Variants in ADA2 observed in about 807,000 individuals in gnomAD.
ADA2 encodes adenosine deaminase 2.
In ADA2, 29 loss-of-function variants were observed where a neutral mutation model predicts 44.2. That is an observed-to-expected ratio of 0.66 (90% confidence interval 0.49 to 0.89). The LOEUF is 0.89. Among genes scored for constraint, ADA2 ranks in the 40% least tolerant of loss-of-function variants. The pLI, the probability that ADA2 is intolerant of heterozygous loss-of-function variation, is 0.00. For missense variants in ADA2, 637 were observed against 644.8 expected (o/e 0.99, Z 0.13); for synonymous variants, 215 against 234.9 (o/e 0.92, Z 0.77).
intron 1 of ADA2, chr22:17,214,062 AG>A: frequency 2.0e-6 from 1 of 493,608 alleles, no homozygotes; most frequent in South Asian, 1.8e-5. Context: ...AAAAAAAAAT[AG>A]CATCCAAAAC....
At chr22:17,188,015 ACT>A (rs2062057482) in intron 7 of ADA2, among the ~76,000 whole-genome samples, 1 of 151,196 alleles carries the variant, frequency 6.6e-6, no homozygotes, top group African/African-American at 2.4e-5. Flanking sequence ...GAGGCAGGAG[ACT>A]CTCTTGAACC....
chr22:17,188,508 G>C (rs374159743), intron 6 of ADA2, 61 bp from the exon 7 acceptor site: 1 of 1,120,754 alleles, frequency 8.9e-7, no homozygotes, highest in East Asian at 2.4e-5. Context: ...TGCTGATGGC[G>C]CGCCCTGGAG....
At chr22:17,206,977 A>C (rs1487062330) in intron 3 of ADA2, 94 bp downstream of exon 3, 4 of 950,016 alleles carry the variant, frequency 4.2e-6, no homozygotes, top group Non-Finnish European at 6.5e-6. Context: ...TATTAAAGCC[A>C]GATTTTTATC....
Position 17,209,719 on chromosome 22 carries a change from C to T in ADA2, c.-42G>A, listed in dbSNP as rs201913271. The T allele has an allele frequency of 2.0e-6, 3 of 1,531,656 alleles. No individual in the cohort carries two copies. The highest frequency in any genetic ancestry group is 2.3e-5 in the East Asian group (1 of 44,310). 94.9% of individuals were successfully genotyped at this position (1,531,656 alleles called of 1,614,324 possible). On this transcript the variant is annotated 5_prime_UTR_variant, in exon 2 of 10. The change creates a new upstream start codon in the 5' untranslated region. Transcript: ENST00000399837. ...GGAAAGGGCTCAGATGGAGACTCCA[C>T]GGGACTGCAAAGGAGAGTGGGGGAG... is the stretch of plus-strand genomic sequence containing the variant.
chr22:17,187,691 A>G (rs1236250845), intron 7 of ADA2, among the ~76,000 whole-genome samples: 4 of 151,738 alleles, frequency 2.6e-5, no homozygotes. Flanking sequence ...AAGAAGAAGA[A>G]GAAGGATTCA....
intron 1 of ADA2, chr22:17,213,560 C>T (rs560716490): frequency 1.0e-5 from 3 of 298,172 alleles, no homozygotes; most frequent in South Asian, 5.9e-5. Flanking sequence ...TGAAAGGCGT[C>T]GCAGAGCTCA....
chr22:17,194,026 A>AAC (rs1332485435), intron 4 of ADA2, among the ~76,000 whole-genome samples: 1 of 151,476 alleles, frequency 6.6e-6, no homozygotes, highest in African/African-American at 2.4e-5. Context: ...AATGAAAAAA[A>AAC]AAAAAAAAAG....
At position 17,203,610 on chromosome 22, in the gene ADA2, A is replaced by T. The variant is rs1393259518; in HGVS notation, c.706T>A (p.Tyr236Asn). The change falls in exon 4 of 10, where the codon TAC becomes AAC. Residue 236 changes from tyrosine (Y) to asparagine (N), a missense_variant. Coordinates refer to ENST00000399837, the MANE Select transcript of ADA2 (RefSeq NM_001282225.2). ...DYVFRSMQEF[Y>N]EDNVLYMEIR... ...TCCATGTAGAGCACGTTGTCCTCGT[A>T]GAACTCCTGCATGCTCCGGAAGACA... The T allele has an allele frequency of 6.2e-7, 1 of 1,613,668 alleles. No individual in the cohort carries two copies. Among genetic ancestry groups the T allele is most frequent in the South Asian group, 1.1e-5 (1 of 91,056 alleles).
rs146324533 is a variant in ADA2, at chr22:17,197,191, G to A, written c.754-5381C>T. Reference sequence around the variant, plus strand: ...TGGGGAAATTTGGGAGCAGAGTGCTGTAAAGGTCATACAACTGGTTTGTAT... The same window carrying A: ...TGGGGAAATTTGGGAGCAGAGTGCTATAAAGGTCATACAACTGGTTTGTAT... On this transcript the variant is annotated intron_variant, in intron 4 of 9. Coordinates refer to ENST00000399837, the MANE Select transcript of ADA2 (RefSeq NM_001282225.2). 1.3e-3 allele frequency among the ~76,000 whole-genome samples: 197 copies of A among 152,238 alleles called. 1 individual carries two copies. Among genetic ancestry groups the A allele is most frequent in the African/African-American group, 4.5e-3 (187 of 41,570 alleles).
At chr22:17,207,038 C>A in intron 3 of ADA2, 33 bp downstream of exon 3, 1 of 1,554,242 alleles carries the variant, frequency 6.4e-7, no homozygotes, top group Non-Finnish European at 8.9e-7. Context: ...CCATGACAGG[C>A]CTGGGACATG....
intron 3 of ADA2, among the ~76,000 whole-genome samples, chr22:17,205,807 C>T (rs2062348288): frequency 6.6e-6 from 1 of 151,262 alleles, no homozygotes; most frequent in South Asian, 2.1e-4. Context: ...GGCAAAACCC[C>T]ATCTCACAAA....
rs2062093718 is a variant in ADA2 at position 17,189,951 on chromosome 22, C to A, written c.963G>T (p.Gly321=). 1 of 1,613,188 alleles carries A rather than the reference C, an allele frequency of 6.2e-7. No homozygotes were observed. The highest frequency in any genetic ancestry group is 8.5e-7 in the Non-Finnish European group (1 of 1,179,126). The change falls in exon 6 of 10, where the codon GGG becomes GGT. Residue 321 remains glycine, a synonymous_variant. Coordinates refer to ENST00000399837, the MANE Select transcript of ADA2 (RefSeq NM_001282225.2). ...TCACAGCATGGGTTACCAGGTCAAA[C>A]CCTGCCACCACCGTGGGGAACTTGA... is the stretch of plus-strand genomic sequence containing the variant. The part of the protein sequence containing the change: ...LRIKFPTVVA[G]FDLVGHEDTG...
intron 4 of ADA2, among the ~76,000 whole-genome samples, chr22:17,200,194 CAACA>C (rs1219098986): frequency 2.7e-5 from 4 of 146,908 alleles, no homozygotes; most frequent in Non-Finnish European, 4.5e-5. Flanking sequence ...GTCTCAAAAA[CAACA>C]AACAAACAAA....
chr22:17,189,943 A>G lies in ADA2; in HGVS notation c.971T>C (p.Leu324Pro). Residue 324 changes from leucine (L) to proline (P), a missense_variant and splice_region_variant, in exon 6 of 10, where the codon CTG becomes CCG. By Grantham distance (98) the Leu-to-Pro change is moderately conservative (BLOSUM62 -3). Coordinates refer to ENST00000399837, the MANE Select transcript of ADA2 (RefSeq NM_001282225.2). Reference protein sequence around the residue: ...KFPTVVAGFDLVGHEDTGHSL... With the variant: ...KFPTVVAGFDPVGHEDTGHSL... ...CCTTCTGTTCACAGCATGGGTTACC[A>G]GGTCAAACCCTGCCACCACCGTGGG... 6.2e-7 allele frequency: 1 copy of G among 1,610,784 alleles called. No homozygotes were observed. Among genetic ancestry groups the G allele is most frequent in the Non-Finnish European group, 8.5e-7 (1 of 1,177,000 alleles).
intron 3 of ADA2, 45 bp downstream of exon 3, chr22:17,207,026 C>T: frequency 6.8e-7 from 1 of 1,472,504 alleles, no homozygotes; most frequent in Non-Finnish European, 9.5e-7. Flanking sequence ...CCCACTGCCA[C>T]CCCATGACAG....
At chr22:17,199,442 C>CCCCACCCTCCCCTCCTCTATACACTTA in intron 4 of ADA2, 1 of 1,022,722 alleles carries the variant, frequency 9.8e-7, no homozygotes, top group Non-Finnish European at 1.5e-6. Context: ...CTATCCTCTT[C>CCCCACCCTCCCCTCCTCTATACACTTA]CCCTCCACCC....
chr22:17,209,969 C>A (rs1251069816), intron 1 of ADA2: 6 of 338,336 alleles, frequency 1.8e-5, no homozygotes, highest in Non-Finnish European at 5.4e-6. Context: ...CGGCTCACTG[C>A]GAGCTCCGCC....
intron 7 of ADA2, among the ~76,000 whole-genome samples, chr22:17,185,713 T>A (rs1601426430): frequency 6.6e-6 from 1 of 152,186 alleles, no homozygotes; most frequent in Non-Finnish European, 1.5e-5. Flanking sequence ...TGGATCTAAA[T>A]TGACTCGAAA....
intron 7 of ADA2, among the ~76,000 whole-genome samples, chr22:17,184,871 G>C (rs1477459807): frequency 4.8e-5 from 7 of 144,358 alleles, no homozygotes; most frequent in Admixed American, 1.4e-4. Context: ...GGAGGCTGTA[G>C]TGAGCTGTGA....
Sources: gnomAD v4.1 joint callset for allele counts (sites outside exome capture counted in the v4.1 genomes callset) on GRCh38, gnomAD v4.1.1 for gene constraint, MANE v1.5 for transcripts, NCBI Gene and HGNC (gene_info 2026-07-23, HGNC 2026-07-21) for gene names.